RBMS1: variants seen among roughly 807,000 people sequenced by gnomAD.
RBMS1 encodes RNA-binding motif, single-stranded-interacting protein 1.
RBMS1 carries 17 observed loss-of-function variants against 62.3 expected under a neutral mutation model. That is an observed-to-expected ratio of 0.27 (90% CI 0.19 to 0.41). The LOEUF is 0.41. Among genes scored for constraint, RBMS1 ranks in the 10% least tolerant of loss-of-function variants. The probability of loss-of-function intolerance (pLI) is 1.00; values close to 1 mark genes in which losing one functional copy is unlikely to be tolerated. For missense variants in RBMS1, 334 were observed against 504.5 expected (o/e 0.66, Z 3.24); for synonymous variants, 172 against 170.0 (o/e 1.01, Z -0.09).
chr2:160,332,277 A>G (rs1573876775), intron 2 of RBMS1, among the ~76,000 whole-genome samples: 1 of 152,240 alleles, frequency 6.6e-6, no homozygotes, highest in South Asian at 2.1e-4. Context: ...ATTACTGAGT[A>G]AAAGAATAGC....
chr2:160,418,553 GAAC>G (rs1212561324), intron 1 of RBMS1, among the ~76,000 whole-genome samples: 1 of 152,144 alleles, frequency 6.6e-6, no homozygotes, highest in Non-Finnish European at 1.5e-5. Context: ...TTCACATTTG[GAAC>G]AACGACTATT....
chr2:160,351,254 A>C (rs4374328), intron 2 of RBMS1, among the ~76,000 whole-genome samples: 112,834 of 151,318 alleles, frequency 0.75, 42,829 homozygotes, highest in East Asian at 0.83. Flanking sequence ...TGCAGCACAC[A>C]AACATGGCAC....
rs564254251 is a variant in RBMS1 at position 160,493,513 on chromosome 2, G to A, written c.-150C>T. The A allele has an allele frequency of 4.6e-6, 3 of 652,212 alleles. No homozygotes were observed. Among genetic ancestry groups the A allele is most frequent in the Admixed American group, 2.6e-5 (1 of 38,618 alleles). 40.4% of individuals were successfully genotyped at this position (652,212 alleles called of 1,614,324 possible). On this transcript the variant is annotated 5_prime_UTR_variant, in exon 1 of 14. Transcript: ENST00000348849. ...TGCCGCTGCTCCACCTCCCAGCCGG[G>A]ACCAGACGTCCTCCTCCTCCTCCTC... is the stretch of plus-strand genomic sequence containing the variant.
At chr2:160,478,982 A>T (rs1685251707) in intron 1 of RBMS1, among the ~76,000 whole-genome samples, 1 of 152,214 alleles carries the variant, frequency 6.6e-6, no homozygotes, top group African/African-American at 2.4e-5. Context: ...GGTGGTTCCC[A>T]TCAGCGTGGT....
intron 1 of RBMS1, among the ~76,000 whole-genome samples, chr2:160,394,112 C>T (rs539462778): frequency 6.6e-6 from 1 of 152,296 alleles, no homozygotes; most frequent in East Asian, 1.9e-4. Context: ...GACTTCCACC[C>T]ACTTTTCGTT....
At chr2:160,402,822 G>A (rs72974995) in intron 1 of RBMS1, among the ~76,000 whole-genome samples, 1,914 of 152,108 alleles carry the variant, frequency 0.013, 31 homozygotes, top group Middle Eastern at 0.062. Context: ...TTCTCTATAT[G>A]GATGCTATGA....
chr2:160,487,217 T>C (rs1419326970), intron 1 of RBMS1, among the ~76,000 whole-genome samples: 2 of 152,210 alleles, frequency 1.3e-5, no homozygotes, highest in Non-Finnish European at 2.9e-5. Flanking sequence ...CTTTCTAAAA[T>C]TCCCAGATTT....
At chr2:160,299,317 TTGAA>T (rs1406656142) in intron 6 of RBMS1, among the ~76,000 whole-genome samples, 1 of 152,238 alleles carries the variant, frequency 6.6e-6, no homozygotes, top group African/African-American at 2.4e-5. Flanking sequence ...GGCTATCTTC[TTGAA>T]TATTTTTGGC....
At chr2:160,420,544 C>T (rs1696383646) in intron 1 of RBMS1, among the ~76,000 whole-genome samples, 1 of 152,180 alleles carries the variant, frequency 6.6e-6, no homozygotes. Flanking sequence ...TTAGCACATA[C>T]TCCCCATACG....
At chr2:160,433,307 C>T (rs188473840) in intron 1 of RBMS1, among the ~76,000 whole-genome samples, 5 of 152,162 alleles carry the variant, frequency 3.3e-5, no homozygotes, top group East Asian at 1.9e-4. Context: ...CTCAGCTACT[C>T]GGGAGGCTGA....
chr2:160,493,229 C>T (rs1397238076), intron 1 of RBMS1, 60 bp downstream of exon 1: 13 of 1,527,964 alleles, frequency 8.5e-6, no homozygotes, highest in East Asian at 2.3e-5. Flanking sequence ...CCAGGCCTGA[C>T]CCTGCGCGCG....
At chr2:160,359,987 T>G in intron 2 of RBMS1, among the ~76,000 whole-genome samples, 1 of 152,138 alleles carries the variant, frequency 6.6e-6, no homozygotes, top group East Asian at 1.9e-4. Flanking sequence ...CTTGGGAGGC[T>G]GAGGCAGGAG....
At chr2:160,476,973 G>A (rs1685168368) in intron 1 of RBMS1, among the ~76,000 whole-genome samples, 1 of 152,202 alleles carries the variant, frequency 6.6e-6, no homozygotes, top group African/African-American at 2.4e-5. Flanking sequence ...GCAACCTCAT[G>A]CTATGCCTTT....
At chr2:160,431,229 A>G (rs2105286582) in intron 1 of RBMS1, among the ~76,000 whole-genome samples, 1 of 150,072 alleles carries the variant, frequency 6.7e-6, no homozygotes, top group East Asian at 2.1e-4. Context: ...TAGAAATCAG[A>G]TTTTCAGAAT....
chr2:160,397,066 T>A (rs1695186755), intron 1 of RBMS1, among the ~76,000 whole-genome samples: 1 of 152,136 alleles, frequency 6.6e-6, no homozygotes, highest in Admixed American at 6.5e-5. Context: ...TGTCAAACCC[T>A]ATATAAACCC....
chr2:160,396,037 T>C (rs1695120387), intron 1 of RBMS1, among the ~76,000 whole-genome samples: 1 of 152,182 alleles, frequency 6.6e-6, no homozygotes, highest in Admixed American at 6.5e-5. Flanking sequence ...ATCATCTCAA[T>C]AACACTGAGT....
chr2:160,391,262 G>C (rs1694851433), intron 1 of RBMS1, among the ~76,000 whole-genome samples: 1 of 150,550 alleles, frequency 6.6e-6, no homozygotes, highest in Non-Finnish European at 1.5e-5. Context: ...CACACAGACA[G>C]GCAGGCACAC....
intron 2 of RBMS1, among the ~76,000 whole-genome samples, chr2:160,329,573 C>G (rs929864118): frequency 2.6e-5 from 4 of 152,142 alleles, no homozygotes; most frequent in African/African-American, 9.7e-5. Flanking sequence ...GAGGAATTAT[C>G]TTTATATGAA....
chr2:160,346,077 G>A (rs10168504), intron 2 of RBMS1, among the ~76,000 whole-genome samples: 113,022 of 152,058 alleles, frequency 0.74, 42,841 homozygotes, highest in East Asian at 0.84. Flanking sequence ...AGCCTTCTCC[G>A]GTCTTTAGGG....
Sources: allele counts gnomAD v4.1 joint callset (sites outside exome capture counted in the v4.1 genomes callset), GRCh38; gene constraint gnomAD v4.1.1; transcripts MANE v1.5; gene names NCBI Gene and HGNC (gene_info 2026-07-23, HGNC 2026-07-21).